KSR2: variants seen among roughly 807,000 people sequenced by gnomAD.
KSR2 encodes kinase suppressor of ras 2.
A neutral mutation model predicts 107.8 loss-of-function variants in KSR2; 25 were observed. The ratio of observed to expected loss-of-function variants is 0.23; its 90% confidence interval spans 0.17 to 0.32. The LOEUF (loss-of-function observed/expected upper bound fraction) is 0.32, where lower values mean the gene tolerates loss of function less well. Ranked by LOEUF, KSR2 falls within the 10% of genes least tolerant of loss-of-function variation. KSR2 has a pLI of 1.00. For synonymous variants in KSR2, 480 were observed against 507.0 expected, an observed-to-expected ratio of 0.95 and a Z score of 0.71; for missense variants, 887 against 1,268.9, an observed-to-expected ratio of 0.70 and a Z score of 4.57.
chr12:117,910,646 C>T (rs1894983185), intron 1 of KSR2, among the ~76,000 whole-genome samples: 1 of 152,178 alleles, frequency 6.6e-6, no homozygotes, highest in Non-Finnish European at 1.5e-5. Flanking sequence ...TAGAGAAATG[C>T]TTGGAATAGC....
chr12:117,656,962 G>GGA (rs1230361066), intron 5 of KSR2, among the ~76,000 whole-genome samples: 9 of 64,514 alleles, frequency 1.4e-4, no homozygotes, highest in Middle Eastern at 6.9e-3. Flanking sequence ...ATATATAATA[G>GGA]GATATATATA....
chr12:117,950,155 G>C (rs1350113424), intron 1 of KSR2, among the ~76,000 whole-genome samples: 1 of 151,800 alleles, frequency 6.6e-6, no homozygotes, highest in East Asian at 1.9e-4. Context: ...TTGTATTTTA[G>C]GAGAGGCGGG....
rs1992751 is a variant in KSR2, at chr12:117,842,139, A to G, written c.472+13289T>C. On this transcript the variant is annotated intron_variant, in intron 3 of 19. Coordinates refer to ENST00000339824, the MANE Select transcript of KSR2 (RefSeq NM_173598.6). This position sits in a 1 kb window ranked among gnomAD's most constrained non-coding sequence, Gnocchi z 4.2. ...GACTGGCTGAAGCAGGAACTCTGGG[A>G]GTGGAACCCTCTGGGGGATTCTGAT... Among the ~76,000 whole-genome samples, 119,214 of 152,242 alleles carry G rather than the reference A, an allele frequency of 0.78. 47,559 individuals carry two copies. Among genetic ancestry groups the G allele is most frequent in the African/African-American group, 0.92 (38,365 of 41,584 alleles).
intron 12 of KSR2, among the ~76,000 whole-genome samples, chr12:117,530,599 AC>A (rs1272969447): frequency 6.6e-6 from 1 of 151,926 alleles, no homozygotes; most frequent in African/African-American, 2.4e-5. Context: ...ACTAGCTATC[AC>A]CCGGGGAAAG....
At chr12:117,533,318 C>G (rs901328869) in intron 10 of KSR2, among the ~76,000 whole-genome samples, 1 of 152,216 alleles carries the variant, frequency 6.6e-6, no homozygotes, top group Non-Finnish European at 1.5e-5. Flanking sequence ...GTAAGTCCTA[C>G]TATCTCAGGA....
At chr12:117,862,943 A>C (rs1566056434) in intron 1 of KSR2, among the ~76,000 whole-genome samples, 1 of 151,906 alleles carries the variant, frequency 6.6e-6, no homozygotes, top group African/African-American at 2.4e-5. Context: ...GTTAGCCAGG[A>C]TGGTCTCGAT....
At chr12:117,559,562 C>T (rs944281670) in intron 7 of KSR2, among the ~76,000 whole-genome samples, 39 of 152,090 alleles carry the variant, frequency 2.6e-4, no homozygotes, top group African/African-American at 8.9e-4. Context: ...CAAAGGTGGC[C>T]GCTCATTTTT....
chr12:117,728,297 G>C (rs989492168), intron 4 of KSR2, among the ~76,000 whole-genome samples: 5 of 152,134 alleles, frequency 3.3e-5, no homozygotes, highest in African/African-American at 1.2e-4. Context: ...GCAAATAAGG[G>C]TCATGTGACA....
At chr12:117,492,284 T>A (rs74551582) in intron 14 of KSR2, among the ~76,000 whole-genome samples, 1 of 152,136 alleles carries the variant, frequency 6.6e-6, no homozygotes, top group Non-Finnish European at 1.5e-5. Flanking sequence ...TGAGATAAAA[T>A]CATCTAGAAG....
intron 14 of KSR2, among the ~76,000 whole-genome samples, chr12:117,514,169 G>A (rs1874216251): frequency 1.3e-5 from 2 of 152,248 alleles, no homozygotes; most frequent in South Asian, 2.1e-4. Flanking sequence ...AATAGTGAAA[G>A]CTGTTGAAAA....
intron 3 of KSR2, among the ~76,000 whole-genome samples, chr12:117,796,043 C>T (rs1890615376): frequency 6.6e-6 from 1 of 152,204 alleles, no homozygotes; most frequent in African/African-American, 2.4e-5. Flanking sequence ...CCTCCAACCT[C>T]GGACTCCTGT....
chr12:117,462,211 G>A lies in KSR2; in HGVS notation c.*4988C>T, dbSNP rs1870931297. The stretch of plus-strand genomic sequence containing the variant: ...GGCACAAGAGAAAATGTCTTAGAGG[G>A]TGTTATAAGTTGTGGTGTCCCCAAC... On this transcript the variant is annotated 3_prime_UTR_variant, in exon 20 of 20. Transcript: ENST00000339824. 1 of 119,348 alleles carries A rather than the reference G, an allele frequency of 8.4e-6. No homozygotes were observed. Among genetic ancestry groups the A allele is most frequent in the African/African-American group, 3.4e-5 (1 of 29,490 alleles). 7.4% of individuals were successfully genotyped at this position (119,348 alleles called of 1,614,324 possible).
intron 4 of KSR2, among the ~76,000 whole-genome samples, chr12:117,680,068 G>T (rs937100061): frequency 6.6e-6 from 1 of 152,164 alleles, no homozygotes. Flanking sequence ...GAGAAAACTT[G>T]TAAGAGAGCC....
intron 1 of KSR2, among the ~76,000 whole-genome samples, chr12:117,895,862 C>A (rs182744576): frequency 5.3e-5 from 8 of 152,318 alleles, no homozygotes; most frequent in African/African-American, 1.4e-4. Context: ...AGTTCAAGAC[C>A]AGCCTGGCCA....
At chr12:117,474,164 C>T (rs185014109) in intron 17 of KSR2, among the ~76,000 whole-genome samples, 1 of 152,236 alleles carries the variant, frequency 6.6e-6, no homozygotes, top group Non-Finnish European at 1.5e-5. Context: ...GAGAAACTCA[C>T]TTTAAGGAAA....
intron 3 of KSR2, among the ~76,000 whole-genome samples, chr12:117,848,732 G>C (rs1892787155): frequency 6.9e-6 from 1 of 145,122 alleles, no homozygotes; most frequent in South Asian, 2.1e-4. Context: ...GAAGAAAAAG[G>C]CTGGAGGAGC....
chr12:117,909,645 G>C (rs1262566449), intron 1 of KSR2, among the ~76,000 whole-genome samples: 1 of 152,012 alleles, frequency 6.6e-6, no homozygotes, highest in Non-Finnish European at 1.5e-5. Context: ...GCTCACACCT[G>C]TAATCCTAGC....
intron 5 of KSR2, among the ~76,000 whole-genome samples, chr12:117,599,244 T>G (rs1307348415): frequency 6.6e-6 from 1 of 152,114 alleles, no homozygotes; most frequent in Non-Finnish European, 1.5e-5. Context: ...GTCAGTTGCA[T>G]CTCAGCCATT....
At chr12:117,629,494 CA>C (rs1179056682) in intron 5 of KSR2, among the ~76,000 whole-genome samples, 1 of 152,182 alleles carries the variant, frequency 6.6e-6, no homozygotes, top group Non-Finnish European at 1.5e-5. Flanking sequence ...GAAAAGAACA[CA>C]AAATCTATGC....
Sources: gnomAD v4.1 joint callset for allele counts (sites outside exome capture counted in the v4.1 genomes callset) on GRCh38, gnomAD v4.1.1 for gene constraint, Gnocchi (gnomAD v3.1) non-coding constraint, MANE v1.5 for transcripts, NCBI Gene and HGNC (gene_info 2026-07-23, HGNC 2026-07-21) for gene names.